The following EFHB variants were observed in gnomAD, a reference collection of about 807,000 sequenced individuals.
EFHB encodes the protein EF-hand domain-containing family member B.
EFHB carries 91 observed loss-of-function variants against 87.2 expected under a neutral mutation model. The observed-to-expected ratio is 1.04, with a 90% CI of 0.88 to 1.24. EFHB has a LOEUF of 1.24. EFHB is among the 50% of genes most tolerant of loss of function. The probability of loss-of-function intolerance (pLI) is 0.00; values close to 1 mark genes in which losing one functional copy is unlikely to be tolerated. For missense variants in EFHB, 1,084 were observed against 998.8 expected (o/e 1.09, Z -1.15); for synonymous variants, 325 against 333.6 (o/e 0.97, Z 0.28).
chr3:19,935,116 G>A (rs894880229), upstream of EFHB, among the ~76,000 whole-genome samples: 2 of 152,074 alleles, frequency 1.3e-5, no homozygotes, highest in African/African-American at 4.8e-5. Context: ...TCACCATGTT[G>A]GCCAGGCTGG....
chr3:19,883,971 T>C (rs2071747090), intron 11 of EFHB, among the ~76,000 whole-genome samples: 1 of 152,214 alleles, frequency 6.6e-6, no homozygotes, highest in African/African-American at 2.4e-5. Flanking sequence ...CAGTTTGTGG[T>C]ACTTTGATAC....
At chr3:19,903,683 A>T (rs1256936550) in intron 6 of EFHB, among the ~76,000 whole-genome samples, 1 of 152,206 alleles carries the variant, frequency 6.6e-6, no homozygotes, top group Non-Finnish European at 1.5e-5. Context: ...GTGTTTTACC[A>T]TCCTTATTTT....
rs1197073872 is a variant in EFHB, at chr3:19,896,852, G to A, written c.1571-11C>T. 1.9e-6 allele frequency: 3 copies of A among 1,576,010 alleles called. No individual in the cohort carries two copies. In the African/African-American group the frequency reaches 4.1e-5, roughly 22 times the overall value. On this transcript the variant is annotated splice_polypyrimidine_tract_variant and intron_variant, in intron 8 of 12. Transcript: ENST00000295824. ...TGAGATCACCAACTCCTATTGAAGA[G>A]AGAAAAAACTTTTTACATAAATTTA...
intron 6 of EFHB, among the ~76,000 whole-genome samples, chr3:19,902,670 CA>C (rs1190442354): frequency 1.3e-5 from 2 of 151,896 alleles, no homozygotes; most frequent in African/African-American, 2.4e-5. Context: ...TCCTCTTTTA[CA>C]GGGGAAATAT....
At chr3:19,929,723 A>G (rs1034546016) in intron 1 of EFHB, among the ~76,000 whole-genome samples, 3 of 151,842 alleles carry the variant, frequency 2.0e-5, no homozygotes, top group Admixed American at 1.3e-4. Context: ...AAAAAAAAAA[A>G]AAAAAAGAAT....
At chr3:19,945,051 G>A (rs965427905) in intron 1 of EFHB, among the ~76,000 whole-genome samples, 1 of 152,222 alleles carries the variant, frequency 6.6e-6, no homozygotes, top group African/African-American at 2.4e-5. Flanking sequence ...ATTGAATCCA[G>A]TAGAAGTATC....
chr3:19,886,630 T>A (rs908481243), intron 10 of EFHB, among the ~76,000 whole-genome samples: 3 of 135,960 alleles, frequency 2.2e-5, no homozygotes, highest in African/African-American at 8.4e-5. Flanking sequence ...GAGCTATGAT[T>A]GCACCACTGC....
intron 1 of EFHB, among the ~76,000 whole-genome samples, chr3:19,943,606 A>C (rs528078553): frequency 1.3e-5 from 2 of 152,364 alleles, no homozygotes; most frequent in Non-Finnish European, 2.9e-5. Context: ...ACAACTATTT[A>C]CATATCATTT....
intron 11 of EFHB, among the ~76,000 whole-genome samples, chr3:19,883,653 T>A (rs1161363787): frequency 1.3e-5 from 2 of 152,194 alleles, no homozygotes; most frequent in Non-Finnish European, 2.9e-5. Context: ...TTTTCAGGTA[T>A]AATTAATTAA....
chr3:19,895,229 C>T (rs1229830577), intron 9 of EFHB, among the ~76,000 whole-genome samples: 1 of 151,666 alleles, frequency 6.6e-6, no homozygotes, highest in African/African-American at 2.4e-5. Flanking sequence ...AGCCCGTAAT[C>T]CCAGCACTTT....
intron 1 of EFHB, among the ~76,000 whole-genome samples, chr3:19,926,395 G>A (rs569802588): frequency 2.8e-4 from 43 of 152,098 alleles, no homozygotes; most frequent in Admixed American, 5.2e-4. Context: ...ACGGAGTCTC[G>A]CTCTGTCGCC....
At chr3:19,918,775 G>T (rs1695327050) in intron 3 of EFHB, among the ~76,000 whole-genome samples, 1 of 148,936 alleles carries the variant, frequency 6.7e-6, no homozygotes. Context: ...TGGAGTTTGA[G>T]ACCAGCCTGG....
chr3:19,905,570 A>C (rs771534517), intron 6 of EFHB, 50 bp downstream of exon 6: 14 of 1,556,614 alleles, frequency 9.0e-6, no homozygotes, highest in Non-Finnish European at 1.2e-5. Flanking sequence ...ACTTTTCTTT[A>C]AGTCCAAATG....
chr3:19,901,202 C>T (rs925547933), intron 6 of EFHB, among the ~76,000 whole-genome samples: 9 of 152,128 alleles, frequency 5.9e-5, no homozygotes, highest in African/African-American at 2.2e-4. Flanking sequence ...GGAAAAAATA[C>T]ATTAAAATGA....
chr3:19,939,620 G>A (rs532535224), intron 1 of EFHB, among the ~76,000 whole-genome samples: 7 of 151,820 alleles, frequency 4.6e-5, no homozygotes, highest in African/African-American at 9.7e-5. Flanking sequence ...TCCTGACCTC[G>A]TGATCCGCCC....
chr3:19,891,095 A>G (rs185637988), intron 9 of EFHB, among the ~76,000 whole-genome samples: 90 of 151,968 alleles, frequency 5.9e-4, no homozygotes, highest in African/African-American at 2.0e-3. Flanking sequence ...GAGACAGGCT[A>G]TCAATCAGTT....
At chr3:19,885,844 G>C (rs527587738) in intron 10 of EFHB, among the ~76,000 whole-genome samples, 1 of 152,172 alleles carries the variant, frequency 6.6e-6, no homozygotes, top group South Asian at 2.1e-4. Context: ...GTAGAAATCT[G>C]GACAAAGTTT....
At chr3:19,895,460 G>T (rs1367603479) in intron 9 of EFHB, among the ~76,000 whole-genome samples, 2 of 149,914 alleles carry the variant, frequency 1.3e-5, no homozygotes, top group African/African-American at 2.5e-5. Flanking sequence ...CAGCCTGGGC[G>T]ACAGAGCGAG....
upstream of EFHB, among the ~76,000 whole-genome samples, chr3:19,938,971 A>G (rs550871232): frequency 2.0e-4 from 31 of 152,240 alleles, 1 homozygote; most frequent in South Asian, 6.0e-3. Context: ...CAGTGGCACA[A>G]TCTTGGCTCA....
Sources: gnomAD v4.1 joint callset for allele counts (sites outside exome capture counted in the v4.1 genomes callset) on GRCh38, gnomAD v4.1.1 for gene constraint, MANE v1.5 for transcripts, NCBI Gene and HGNC (gene_info 2026-07-23, HGNC 2026-07-21) for gene names.